The following DHRS4L2 variants were observed in gnomAD, a reference collection of about 807,000 sequenced individuals.
The protein encoded by DHRS4L2 is dehydrogenase/reductase 4 like 2.
DHRS4L2 carries 22 observed loss-of-function variants against 23.9 expected under a neutral mutation model. The ratio of observed to expected loss-of-function variants is 0.92; its 90% CI spans 0.66 to 1.31. The LOEUF (loss-of-function observed/expected upper bound fraction) is 1.31, where lower values mean the gene tolerates loss of function less well. DHRS4L2 is among the 40% of genes most tolerant of loss of function. The probability of loss-of-function intolerance (pLI) is 0.00; values close to 1 mark genes in which losing one functional copy is unlikely to be tolerated. For missense variants in DHRS4L2, 385 were observed against 303.3 expected (o/e 1.27, Z -2.00); for synonymous variants, 141 against 123.7 (o/e 1.14, Z -0.93).
At chr14:23,989,788 G>A (rs977190531) in intron 1 of DHRS4L2, among the ~76,000 whole-genome samples, 3 of 151,760 alleles carry the variant, frequency 2.0e-5, no homozygotes, top group Admixed American at 6.6e-5. Flanking sequence ...AAAGAATTTT[G>A]AGAATGATGT....
upstream of DHRS4L2, among the ~76,000 whole-genome samples, chr14:23,986,857 G>T (rs904557410): frequency 7.9e-5 from 12 of 151,580 alleles, no homozygotes; most frequent in Admixed American, 2.0e-4. Context: ...CACAGTGCAT[G>T]AGCTCCAAAC....
At chr14:23,982,572 A>T (rs1212037319) in intron 1 of DHRS4L2, among the ~76,000 whole-genome samples, 1 of 151,504 alleles carries the variant, frequency 6.6e-6, no homozygotes, top group Non-Finnish European at 1.5e-5. Context: ...AGGCTACAGT[A>T]ACCAAGACAG....
chr14:24,005,339 C>G (rs1390341064), intron 7 of DHRS4L2, among the ~76,000 whole-genome samples: 1 of 149,654 alleles, frequency 6.7e-6, no homozygotes, highest in Non-Finnish European at 1.5e-5. Context: ...CTGCCCACCT[C>G]TAGAGCATTC....
In DHRS4L2 at chr14:24,006,153, C is replaced by G. The variant is rs1328645722; in HGVS notation, c.*290C>G. On this transcript the variant is annotated 3_prime_UTR_variant, in exon 8 of 8. Transcript: ENST00000335125. ...GAAAAGATCCAGCCTTCCCTGCCGT[C>G]AAGGTGGCGTCTTACTCGGGATTCC... The G allele has an allele frequency of 1.1e-5, 15 of 1,335,538 alleles. No homozygotes were observed. The highest frequency in any genetic ancestry group is 1.5e-5 in the Non-Finnish European group (15 of 1,009,286). The allele number at this position is 1,335,538 out of a possible 1,614,324, so 82.7% of individuals were successfully genotyped here.
At chr14:23,989,660 T>A (rs1015780835) in intron 1 of DHRS4L2, among the ~76,000 whole-genome samples, 1 of 151,618 alleles carries the variant, frequency 6.6e-6, no homozygotes, top group African/African-American at 2.4e-5. Flanking sequence ...AAAATACAAA[T>A]GTAGATAAAA....
Position 23,988,946 on chromosome 14 carries a change from C to G in DHRS4L2, c.-2C>G, listed in dbSNP as rs1299756336. 1.2e-6 allele frequency: 2 copies of G among 1,611,960 alleles called. No individual in the cohort carries two copies. The highest frequency in any genetic ancestry group is 1.3e-5 in the African/African-American group (1 of 74,960). On this transcript the variant is annotated 5_prime_UTR_variant, in exon 1 of 8. The change creates a new upstream start codon in the 5' untranslated region. Coordinates refer to ENST00000335125, the MANE Select transcript of DHRS4L2 (RefSeq NM_198083.4). ...TGGAACCCAGACTTGCTGGTCTGAT[C>G]CATGCAGATGGCCAGGCTGCTAGGC...
upstream of DHRS4L2, among the ~76,000 whole-genome samples, chr14:23,986,156 C>T (rs1023774920): frequency 6.6e-6 from 1 of 151,464 alleles, no homozygotes; most frequent in Non-Finnish European, 1.5e-5. Flanking sequence ...CATGCCCACC[C>T]CAAGATTTCC....
In DHRS4L2 at chr14:24,006,116, G is replaced by A; in HGVS notation, c.*253G>A. 7.9e-7 allele frequency: 1 copy of A among 1,271,436 alleles called. No homozygotes were observed. The highest frequency in any genetic ancestry group is 1.1e-6 in the Non-Finnish European group (1 of 940,962). 78.8% of individuals were successfully genotyped at this position (1,271,436 alleles called of 1,614,324 possible). On this transcript the variant is annotated 3_prime_UTR_variant, in exon 8 of 8. Coordinates refer to ENST00000335125, the MANE Select transcript of DHRS4L2 (RefSeq NM_198083.4). ...CCTTACTGTTCACCTCATCAAATCA[G>A]TTCTGCCCTGTGAAAAGATCCAGCC... is the stretch of plus-strand genomic sequence containing the variant.
chr14:24,006,339 G>C lies in DHRS4L2; in HGVS notation c.*476G>C, dbSNP rs574368858. 790 of 281,522 alleles carry C rather than the reference G, an allele frequency of 2.8e-3. 3 individuals are homozygous for C. The highest frequency in any genetic ancestry group is 4.2e-3 in the Non-Finnish European group (633 of 149,360). 17.4% of individuals were successfully genotyped at this position (281,522 alleles called of 1,614,324 possible). Reference sequence around the variant, plus strand: ...GAAGGAACCTGGAGTGGAAGGAGCAGAGTTGCAAATTAACAACTTGCAAAT... The same window carrying C: ...GAAGGAACCTGGAGTGGAAGGAGCACAGTTGCAAATTAACAACTTGCAAAT... On this transcript the variant is annotated 3_prime_UTR_variant, in exon 8 of 8. Coordinates refer to ENST00000335125, the MANE Select transcript of DHRS4L2 (RefSeq NM_198083.4).
upstream of DHRS4L2, among the ~76,000 whole-genome samples, chr14:23,986,612 A>G (rs2034147576): frequency 6.6e-6 from 1 of 151,542 alleles, no homozygotes; most frequent in Non-Finnish European, 1.5e-5. Context: ...CAAGCTCCCA[A>G]GCCACAATTC....
chr14:23,977,273 C>T (rs2033985581), intron 1 of DHRS4L2, among the ~76,000 whole-genome samples: 1 of 151,580 alleles, frequency 6.6e-6, no homozygotes, highest in Non-Finnish European at 1.5e-5. Flanking sequence ...TTAAATATTT[C>T]CTATTGCCAT....
At chr14:23,987,912 CA>C (rs33930945), upstream of DHRS4L2, among the ~76,000 whole-genome samples, 49,672 of 151,058 alleles carry the variant, frequency 0.33, 9,568 homozygotes, top group East Asian at 0.49. Context: ...CATATTTATT[CA>C]TTCTCCCGGA....
intron 7 of DHRS4L2, chr14:24,004,605 T>A (rs577021790): frequency 4.9e-6 from 4 of 811,860 alleles, no homozygotes; most frequent in African/African-American, 2.1e-5. Context: ...CATCGGGGTT[T>A]CAGCAGTGCA....
At chr14:23,978,022 T>A (rs58653994) in intron 1 of DHRS4L2, among the ~76,000 whole-genome samples, 10,240 of 151,696 alleles carry the variant, frequency 0.068, 603 homozygotes, top group East Asian at 0.2. Flanking sequence ...TGCATTCCTT[T>A]GGATTTGATG....
chr14:23,984,807 A>AAAAG (rs2138522535), upstream of DHRS4L2, among the ~76,000 whole-genome samples: 1 of 144,946 alleles, frequency 6.9e-6, no homozygotes, highest in East Asian at 2.0e-4. Context: ...TGCCATCTCA[A>AAAAG]AAAAAAAAAA....
chr14:23,972,928 C>G (rs1053868434), intron 1 of DHRS4L2, among the ~76,000 whole-genome samples: 1 of 152,000 alleles, frequency 6.6e-6, no homozygotes, highest in Non-Finnish European at 1.5e-5. Context: ...TCCACCCAAA[C>G]ATGTCGGTGG....
In DHRS4L2 at chr14:23,973,309, A is replaced by C. The variant is rs530832436; in HGVS notation, c.-176+2977A>C. On this transcript the variant is annotated intron_variant, in intron 1 of 5. Coordinates refer to the DHRS4L2 transcript ENST00000534993. ...TGTGCCGCCAAGGCCACACCCACCC[A>C]GAACTCGTGCTGGCCTGCAAGTGCT... is the stretch of plus-strand genomic sequence containing the variant. Among the ~76,000 whole-genome samples the C allele has an allele frequency of 1.7e-4, 26 of 152,098 alleles. No individual in the cohort carries two copies. In the South Asian group the frequency reaches 5.0e-3, roughly 29 times the overall value.
chr14:24,005,726 T>G (rs1383827175), intron 7 of DHRS4L2, among the ~76,000 whole-genome samples, 160 bp from the exon 8 acceptor site: 1 of 151,962 alleles, frequency 6.6e-6, no homozygotes, highest in Non-Finnish European at 1.5e-5. Flanking sequence ...TAACAGCATA[T>G]CCTCGTGGTA....
At chr14:23,989,185 G>T (rs2034213665) in intron 1 of DHRS4L2, 110 bp downstream of exon 1, 3 of 1,487,718 alleles carry the variant, frequency 2.0e-6, no homozygotes, top group Non-Finnish European at 1.8e-6. Flanking sequence ...TACCGCCAAA[G>T]TCTGGCCATG....
Sources: allele counts gnomAD v4.1 joint callset (sites outside exome capture counted in the v4.1 genomes callset), GRCh38; gene constraint gnomAD v4.1.1; transcripts MANE v1.5; gene names NCBI Gene and HGNC (gene_info 2026-07-23, HGNC 2026-07-21).